LARGE1: variants seen among roughly 807,000 people sequenced by gnomAD.
The protein encoded by LARGE1 is LARGE xylosyl- and glucuronyltransferase 1.
In LARGE1, 43 loss-of-function variants were observed where a neutral mutation model predicts 87.6. That is an observed-to-expected ratio of 0.49 (90% CI 0.38 to 0.63). The LOEUF is 0.63. Among genes scored for constraint, LARGE1 ranks in the 30% least tolerant of loss-of-function variants. The pLI, the probability that LARGE1 is intolerant of heterozygous loss-of-function variation, is 0.00. For synonymous variants in LARGE1, 434 were observed against 394.6 expected (o/e 1.10, Z -1.18); for missense variants, 802 against 1,000.2 (o/e 0.80, Z 2.67).
At chr22:33,367,434 T>C (rs1386247880) in intron 9 of LARGE1, among the ~76,000 whole-genome samples, 1 of 152,206 alleles carries the variant, frequency 6.6e-6, no homozygotes, top group Non-Finnish European at 1.5e-5. Context: ...GTTTTGTTTT[T>C]AGAGACAGGG....
intron 3 of LARGE1, among the ~76,000 whole-genome samples, chr22:33,632,011 C>T (rs1019005024): frequency 1.3e-5 from 2 of 152,174 alleles, no homozygotes; most frequent in Admixed American, 1.3e-4. Context: ...AGACATAACA[C>T]TCATGTTTCT....
chr22:33,328,045 A>G (rs984996030), intron 10 of LARGE1, among the ~76,000 whole-genome samples: 58 of 152,332 alleles, frequency 3.8e-4, no homozygotes, highest in African/African-American at 1.2e-3. Flanking sequence ...TAGTGGGTAG[A>G]GACATGATCA....
intron 12 of LARGE1, among the ~76,000 whole-genome samples, chr22:33,285,636 C>CAAAG (rs1352117500): frequency 6.6e-6 from 1 of 151,792 alleles, no homozygotes; most frequent in Non-Finnish European, 1.5e-5. Flanking sequence ...AACAAACAAA[C>CAAAG]AAACAAACAA....
At chr22:33,694,674 A>G (rs148918598) in intron 2 of LARGE1, among the ~76,000 whole-genome samples, 3 of 152,296 alleles carry the variant, frequency 2.0e-5, no homozygotes, top group African/African-American at 7.2e-5. Context: ...AGGTAAATTC[A>G]CATACACATA....
chr22:33,639,181 T>C (rs1470328061), intron 3 of LARGE1, among the ~76,000 whole-genome samples: 1 of 152,218 alleles, frequency 6.6e-6, no homozygotes, highest in East Asian at 1.9e-4. Context: ...AGAGCTGCCA[T>C]GCTGTGAGGA....
intron 9 of LARGE1, among the ~76,000 whole-genome samples, chr22:33,366,976 G>GT (rs2064619141): frequency 6.6e-6 from 1 of 152,236 alleles, no homozygotes; most frequent in Admixed American, 6.5e-5. Context: ...TAGGGGTACT[G>GT]TTTTAAAAAG....
chr22:33,576,065 A>G (rs759158323), intron 5 of LARGE1, among the ~76,000 whole-genome samples: 2 of 152,182 alleles, frequency 1.3e-5, no homozygotes, highest in Non-Finnish European at 2.9e-5. Context: ...AGATTTTTCA[A>G]TGCACTGAGG....
At chr22:33,627,699 G>C (rs2079966184) in intron 3 of LARGE1, among the ~76,000 whole-genome samples, 1 of 152,028 alleles carries the variant, frequency 6.6e-6, no homozygotes, top group South Asian at 2.1e-4. Flanking sequence ...AGCACGGGAG[G>C]CTCGGCCATC....
intron 1 of LARGE1, among the ~76,000 whole-genome samples, chr22:33,878,186 G>A (rs2146733701): frequency 8.7e-6 from 1 of 115,246 alleles, no homozygotes; most frequent in Middle Eastern, 6.9e-3. Context: ...TGCCCAGGCT[G>A]GAGCGCAATG....
intron 2 of LARGE1, among the ~76,000 whole-genome samples, chr22:33,748,019 T>G: frequency 1.3e-5 from 1 of 75,648 alleles, no homozygotes; most frequent in African/African-American, 7.7e-5. Context: ...TGCCCTCTGC[T>G]GGAGCAAAAA....
At chr22:33,749,315 T>C (rs147869087) in intron 2 of LARGE1, among the ~76,000 whole-genome samples, 1 of 152,178 alleles carries the variant, frequency 6.6e-6, no homozygotes, top group African/African-American at 2.4e-5. Flanking sequence ...GGTTTCTCCA[T>C]GTTGGTCAGG....
chr22:33,280,172 A>G (rs1930147433), intron 13 of LARGE1, among the ~76,000 whole-genome samples: 1 of 152,168 alleles, frequency 6.6e-6, no homozygotes, highest in African/African-American at 2.4e-5. Flanking sequence ...TTCAACAGGT[A>G]TGGGTACATT....
At chr22:33,149,089 G>A in the LARGE1 span, among the ~76,000 whole-genome samples, 1 of 149,120 alleles carries the variant, frequency 6.7e-6, no homozygotes, top group Non-Finnish European at 1.5e-5. Flanking sequence ...CCAGGCTGCA[G>A]TGCAGTGGCG....
At chr22:33,503,312 A>G (rs1050305833) in intron 6 of LARGE1, among the ~76,000 whole-genome samples, 2 of 143,444 alleles carry the variant, frequency 1.4e-5, no homozygotes, top group African/African-American at 2.7e-5. Flanking sequence ...GTTGGAGTGC[A>G]GTGGTGCGAT....
At chr22:33,736,554 A>AT (rs2083662794) in intron 2 of LARGE1, among the ~76,000 whole-genome samples, 1 of 152,246 alleles carries the variant, frequency 6.6e-6, no homozygotes, top group Non-Finnish European at 1.5e-5. Context: ...TATCAGATAA[A>AT]TGACTGCAAA....
chr22:33,453,979 G>A (rs2068036879), intron 6 of LARGE1, among the ~76,000 whole-genome samples: 1 of 152,182 alleles, frequency 6.6e-6, no homozygotes, highest in Non-Finnish European at 1.5e-5. Context: ...CATTGCCTTA[G>A]TGTCAAGTAA....
intron 7 of LARGE1, among the ~76,000 whole-genome samples, chr22:33,428,628 AAAGAG>A (rs1403115553): frequency 6.7e-6 from 1 of 148,838 alleles, no homozygotes; most frequent in Non-Finnish European, 1.5e-5. Flanking sequence ...CTATCTTAAA[AAAGAG>A]AGAGAACTGC....
intron 11 of LARGE1, among the ~76,000 whole-genome samples, chr22:33,172,143 G>A (rs1274444362): frequency 6.6e-6 from 1 of 152,252 alleles, no homozygotes; most frequent in Non-Finnish European, 1.5e-5. Flanking sequence ...CATGGGGCCT[G>A]TGGCCCCTTT....
At chr22:33,440,866 C>T (rs1299423687) in intron 6 of LARGE1, among the ~76,000 whole-genome samples, 1 of 152,140 alleles carries the variant, frequency 6.6e-6, no homozygotes, top group African/African-American at 2.4e-5. Flanking sequence ...GGATCACAGA[C>T]AGTCAGATGA....
Sources: gnomAD v4.1 joint callset for allele counts (sites outside exome capture counted in the v4.1 genomes callset) on GRCh38, gnomAD v4.1.1 for gene constraint, MANE v1.5 for transcripts, NCBI Gene and HGNC (gene_info 2026-07-23, HGNC 2026-07-21) for gene names.